The following SH3GL2 variants were observed in gnomAD, a reference collection of about 807,000 sequenced individuals.
SH3GL2 encodes the protein SH3 domain containing GRB2 like 2, endophilin A1, also known as endophilin-A1.
A neutral mutation model predicts 46.0 loss-of-function variants in SH3GL2; 24 were observed. The ratio of observed to expected loss-of-function variants is 0.52; its 90% CI spans 0.38 to 0.73. The LOEUF is 0.73. Among genes scored for constraint, SH3GL2 ranks in the 30% least tolerant of loss-of-function variants. SH3GL2 has a pLI of 0.00. For missense variants in SH3GL2, 413 were observed against 424.2 expected (o/e 0.97, Z 0.23); for synonymous variants, 196 against 147.1 (o/e 1.33, Z -2.40).
chr9:17,604,628 C>T (rs1818731539), intron 1 of SH3GL2, among the ~76,000 whole-genome samples: 1 of 152,148 alleles, frequency 6.6e-6, no homozygotes, highest in African/African-American at 2.4e-5. Context: ...AAGCACTTGT[C>T]TTGGTGTGGT....
At chr9:17,618,728 A>G (rs904928235) in intron 1 of SH3GL2, among the ~76,000 whole-genome samples, 11 of 152,140 alleles carry the variant, frequency 7.2e-5, no homozygotes, top group South Asian at 4.1e-4. Context: ...TTGGTCCCCA[A>G]AGGTTTCAGA....
chr9:17,747,384 T>C (rs1285560735), intron 2 of SH3GL2, among the ~76,000 whole-genome samples: 1 of 152,214 alleles, frequency 6.6e-6, no homozygotes, highest in East Asian at 1.9e-4. Flanking sequence ...TTCTGGTGGG[T>C]TTCATCATCA....
chr9:17,739,189 A>G (rs910678830), intron 1 of SH3GL2, among the ~76,000 whole-genome samples: 7 of 152,148 alleles, frequency 4.6e-5, no homozygotes, highest in African/African-American at 1.4e-4. Context: ...CTCTTAACAA[A>G]TGAGAAATCC....
At chr9:17,677,807 G>A (rs1372907531) in intron 1 of SH3GL2, among the ~76,000 whole-genome samples, 1 of 151,108 alleles carries the variant, frequency 6.6e-6, no homozygotes, top group African/African-American at 2.4e-5. Context: ...AGGCCCCCGT[G>A]TGTGATGTTC....
chr9:17,655,091 T>C (rs1820043809), intron 1 of SH3GL2, among the ~76,000 whole-genome samples: 1 of 152,164 alleles, frequency 6.6e-6, no homozygotes, highest in Non-Finnish European at 1.5e-5. Context: ...GAATTTTCCT[T>C]TTCCTCTAGA....
intron 1 of SH3GL2, among the ~76,000 whole-genome samples, chr9:17,613,406 C>T (rs1818912754): frequency 6.6e-6 from 1 of 152,072 alleles, no homozygotes; most frequent in Non-Finnish European, 1.5e-5. Flanking sequence ...ATTAAAATGA[C>T]AAAATATTGT....
intron 1 of SH3GL2, among the ~76,000 whole-genome samples, chr9:17,698,097 C>A (rs1478747216): frequency 6.6e-6 from 1 of 152,096 alleles, no homozygotes; most frequent in Non-Finnish European, 1.5e-5. Flanking sequence ...GGTGATCCTG[C>A]TGATTTTAGA....
At chr9:17,786,735 T>G (rs1313453261) in intron 4 of SH3GL2, among the ~76,000 whole-genome samples, 1 of 150,890 alleles carries the variant, frequency 6.6e-6, no homozygotes, top group African/African-American at 2.4e-5. Context: ...CCCCCCCCAC[T>G]ATAAGACCTC....
intron 1 of SH3GL2, among the ~76,000 whole-genome samples, chr9:17,602,584 G>A (rs1004394639): frequency 1.3e-5 from 2 of 152,108 alleles, no homozygotes; most frequent in Admixed American, 6.5e-5. Context: ...AGGAGTAACC[G>A]GATCCCATGT....
chr9:17,731,043 C>T lies in SH3GL2; in HGVS notation c.46-16023C>T, dbSNP rs114126065. Among the ~76,000 whole-genome samples the T allele has an allele frequency of 6.8e-3, 1,040 of 152,190 alleles. 12 individuals are homozygous for T. Among genetic ancestry groups the T allele is most frequent in the African/African-American group, 0.024 (981 of 41,530 alleles). On this transcript the variant is annotated intron_variant, in intron 1 of 8. Coordinates refer to ENST00000380607, the MANE Select transcript of SH3GL2 (RefSeq NM_003026.5). ...TATGTTCTTATGCATGCCAGCCTTG[C>T]GACAGTCACGATTCTGTGGTTCTGC...
Position 17,731,130 on chromosome 9 carries a change from G to A in SH3GL2, c.46-15936G>A, listed in dbSNP as rs543862654. Among the ~76,000 whole-genome samples, 4 of 152,206 alleles carry A rather than the reference G, an allele frequency of 2.6e-5. No homozygotes were observed. The South Asian group carries it at 6.2e-4, about 24-fold the overall frequency. Reference sequence around the variant, plus strand: ...GAATGATACCTTTTCCTAAAGCAGCGTCCTTTGGTTATGCCAAGCTGTTAT... The same window carrying A: ...GAATGATACCTTTTCCTAAAGCAGCATCCTTTGGTTATGCCAAGCTGTTAT... On this transcript the variant is annotated intron_variant, in intron 1 of 8. Transcript: ENST00000380607.
chr9:17,665,577 C>G (rs1418155635), intron 1 of SH3GL2, among the ~76,000 whole-genome samples: 1 of 151,976 alleles, frequency 6.6e-6, no homozygotes. Context: ...CTATTACTGT[C>G]AACATTTATT....
chr9:17,772,119 T>C (rs1389235857), intron 3 of SH3GL2, among the ~76,000 whole-genome samples: 1 of 152,172 alleles, frequency 6.6e-6, no homozygotes, highest in South Asian at 2.1e-4. Flanking sequence ...AGACTTCACC[T>C]AAGAAAACCA....
chr9:17,599,344 A>G (rs1818627936), intron 1 of SH3GL2, among the ~76,000 whole-genome samples: 1 of 152,206 alleles, frequency 6.6e-6, no homozygotes, highest in South Asian at 2.1e-4. Context: ...TGAAGTGACT[A>G]ATGGGATTAA....
intron 1 of SH3GL2, among the ~76,000 whole-genome samples, chr9:17,744,962 C>T (rs985010665): frequency 6.6e-6 from 1 of 152,164 alleles, no homozygotes; most frequent in Non-Finnish European, 1.5e-5. Context: ...AATGGAACTT[C>T]AGACGGAGGC....
intron 1 of SH3GL2, among the ~76,000 whole-genome samples, chr9:17,651,803 T>A (rs1286437127): frequency 6.6e-6 from 1 of 152,192 alleles, no homozygotes; most frequent in Non-Finnish European, 1.5e-5. Context: ...CTTAACTTGT[T>A]TTAAATTCTT....
At chr9:17,708,979 A>G (rs1326351938) in intron 1 of SH3GL2, among the ~76,000 whole-genome samples, 2 of 151,986 alleles carry the variant, frequency 1.3e-5, no homozygotes, top group African/African-American at 2.4e-5. Flanking sequence ...TGACCAAGCT[A>G]TTATTTTTCT....
At chr9:17,678,394 A>G (rs1405977673) in intron 1 of SH3GL2, among the ~76,000 whole-genome samples, 7 of 152,192 alleles carry the variant, frequency 4.6e-5, no homozygotes, top group Non-Finnish European at 1.0e-4. Flanking sequence ...AGTGATGATG[A>G]GCATTTTTTC....
At chr9:17,720,690 A>T (rs1224971390) in intron 1 of SH3GL2, among the ~76,000 whole-genome samples, 2 of 152,142 alleles carry the variant, frequency 1.3e-5, no homozygotes, top group East Asian at 3.9e-4. Context: ...AGCTCAATTT[A>T]ACAAGGTGAA....
Sources: allele counts gnomAD v4.1 joint callset (sites outside exome capture counted in the v4.1 genomes callset), GRCh38; gene constraint gnomAD v4.1.1; transcripts MANE v1.5; gene names NCBI Gene and HGNC (gene_info 2026-07-23, HGNC 2026-07-21).